The following TRIM2 variants were observed in gnomAD, a reference collection of about 807,000 sequenced individuals.
TRIM2 encodes tripartite motif containing 2.
A neutral mutation model predicts 75.2 loss-of-function variants in TRIM2; 20 were observed. The ratio of observed to expected loss-of-function variants is 0.27; its 90% CI spans 0.19 to 0.39. TRIM2 has a LOEUF of 0.39. Ranked by LOEUF, TRIM2 falls within the 10% of genes least tolerant of loss-of-function variation. The pLI, the probability that TRIM2 is intolerant of heterozygous loss-of-function variation, is 1.00. For missense variants in TRIM2, 660 were observed against 990.8 expected, an observed-to-expected ratio of 0.67 and a Z score of 4.48; for synonymous variants, 373 against 388.3, an observed-to-expected ratio of 0.96 and a Z score of 0.46.
intron 3 of TRIM2, among the ~76,000 whole-genome samples, chr4:153,278,339 C>T (rs549821205): frequency 6.6e-6 from 1 of 151,826 alleles, no homozygotes; most frequent in South Asian, 2.1e-4. Flanking sequence ...GTCTCAAACT[C>T]CTGGTCCCAA....
At position 153,322,274 on chromosome 4, in the gene TRIM2, G is replaced by A. The variant is rs561574415; in HGVS notation, c.1783-374G>A. On this transcript the variant is annotated intron_variant, in intron 8 of 11. Transcript: ENST00000338700. ...AATACAAAAAAAATTAGCCAGGCAT[G>A]GTGGTGCACGCCTGTAGTCCCAGCT... Among the ~76,000 whole-genome samples, 174 of 152,300 alleles carry A rather than the reference G, an allele frequency of 1.1e-3. 1 individual carries two copies. Among genetic ancestry groups the A allele is most frequent in the African/African-American group, 4.0e-3 (165 of 41,554 alleles).
rs1440352101 is a variant in TRIM2, at chr4:153,335,461, A to G, written c.*495A>G. 16 of 985,344 alleles carry G rather than the reference A, an allele frequency of 1.6e-5. No homozygotes were observed. The highest frequency in any genetic ancestry group is 1.9e-5 in the Non-Finnish European group (16 of 829,952). 61.0% of individuals were successfully genotyped at this position (985,344 alleles called of 1,614,324 possible). On this transcript the variant is annotated 3_prime_UTR_variant, in exon 12 of 12. Coordinates refer to ENST00000338700, the MANE Select transcript of TRIM2 (RefSeq NM_015271.5). Reference sequence around the variant, plus strand: ...TTACTCTTGTGACATTTTTTTGGTTATCAACAACTAAATATAAATTACTTT... The same window carrying G: ...TTACTCTTGTGACATTTTTTTGGTTGTCAACAACTAAATATAAATTACTTT...
At chr4:153,166,345 A>G (rs75137350) in intron 1 of TRIM2, among the ~76,000 whole-genome samples, 27,248 of 152,130 alleles carry the variant, frequency 0.18, 2,660 homozygotes, top group African/African-American at 0.26. Flanking sequence ...GTGAGGTTCT[A>G]TAACACTTGA....
At chr4:153,277,984 T>C (rs183560158) in intron 3 of TRIM2, among the ~76,000 whole-genome samples, 16 of 152,374 alleles carry the variant, frequency 1.1e-4, no homozygotes, top group Admixed American at 7.8e-4. Context: ...ATACTAGTTA[T>C]GGGAAGGTAT....
intron 8 of TRIM2, among the ~76,000 whole-genome samples, chr4:153,318,375 A>G (rs72729637): frequency 0.065 from 9,922 of 152,244 alleles, 433 homozygotes; most frequent in Middle Eastern, 0.13. Context: ...CATCTTGTCA[A>G]TTTTGGAGAC....
intron 1 of TRIM2, among the ~76,000 whole-genome samples, chr4:153,246,206 C>T (rs969391528): frequency 2.6e-5 from 4 of 152,250 alleles, no homozygotes; most frequent in South Asian, 2.1e-4. Context: ...ATTGTTTAAT[C>T]CTCATAACAA....
At chr4:153,172,511 C>G (rs1479035851) in intron 1 of TRIM2, among the ~76,000 whole-genome samples, 1 of 152,100 alleles carries the variant, frequency 6.6e-6, no homozygotes, top group Admixed American at 6.5e-5. Flanking sequence ...TTAACTGACT[C>G]TGGAAACACT....
At chr4:153,321,089 G>A (rs1332532287) in intron 8 of TRIM2, among the ~76,000 whole-genome samples, 5 of 152,132 alleles carry the variant, frequency 3.3e-5, no homozygotes, top group Non-Finnish European at 7.3e-5. Context: ...CTTGTCTGCT[G>A]TGGCGTCATC....
chr4:153,209,914 G>T (rs1560818937), intron 1 of TRIM2, among the ~76,000 whole-genome samples: 1 of 152,102 alleles, frequency 6.6e-6, no homozygotes, highest in East Asian at 1.9e-4. Context: ...CTTTGCAGGA[G>T]AATAAAATAG....
At chr4:153,182,897 ATC>A (rs945830563) in intron 1 of TRIM2, among the ~76,000 whole-genome samples, 1 of 151,968 alleles carries the variant, frequency 6.6e-6, no homozygotes, top group African/African-American at 2.4e-5. Flanking sequence ...GGGACCCTCT[ATC>A]CCAATACCCC....
In TRIM2 at chr4:153,327,142, A is replaced by G. The variant is rs144968764; in HGVS notation, c.2023-1388A>G. Among the ~76,000 whole-genome samples the G allele has an allele frequency of 9.0e-3, 1,364 of 152,234 alleles. 12 individuals are homozygous for G. Among genetic ancestry groups the G allele is most frequent in the Non-Finnish European group, 0.016 (1,104 of 68,014 alleles). ...TGTAAAAGGAGACAAAAAGAGTCAG[A>G]AAAAAAATTTAAATATGGCATCTTA... On this transcript the variant is annotated intron_variant, in intron 10 of 11. Transcript: ENST00000338700.
chr4:153,217,005 T>G (rs1434363365), intron 1 of TRIM2, among the ~76,000 whole-genome samples: 1 of 152,232 alleles, frequency 6.6e-6, no homozygotes, highest in Non-Finnish European at 1.5e-5. Context: ...GAACTTTGTT[T>G]AGATGAACTT....
At chr4:153,288,797 A>G (rs1326291438) in intron 3 of TRIM2, among the ~76,000 whole-genome samples, 1 of 148,566 alleles carries the variant, frequency 6.7e-6, no homozygotes, top group Admixed American at 6.7e-5. Context: ...TTCCTGCCTC[A>G]CAGACTGTAT....
intron 2 of TRIM2, among the ~76,000 whole-genome samples, chr4:153,275,283 T>C (rs1209107195): frequency 6.6e-6 from 1 of 152,232 alleles, no homozygotes; most frequent in East Asian, 1.9e-4. Flanking sequence ...ATGAGTTAAG[T>C]TGATACCTGT....
At chr4:153,319,017 G>A (rs1768329585) in intron 8 of TRIM2, among the ~76,000 whole-genome samples, 2 of 152,182 alleles carry the variant, frequency 1.3e-5, no homozygotes, top group South Asian at 4.1e-4. Flanking sequence ...GACCCTCACA[G>A]GAGTTCATCC....
chr4:153,231,562 A>C (rs560629392), intron 1 of TRIM2, among the ~76,000 whole-genome samples: 136 of 152,210 alleles, frequency 8.9e-4, no homozygotes, highest in African/African-American at 3.2e-3. Context: ...AGGTCTAGGC[A>C]AGGAAGTCGT....
rs147188569 is a variant in TRIM2, at chr4:153,308,100, A to G, written c.1511-7385A>G. On this transcript the variant is annotated intron_variant, in intron 6 of 11. Transcript: ENST00000338700. ...ATCAAATACTTTCTGGAAGTGGGAC[A>G]TGCTCCGCTCGGTCATGACGCTGAT... The G allele has an allele frequency of 2.3e-3, 2,029 of 888,798 alleles. 28 individuals carry two copies. In the Admixed American group the frequency reaches 0.025, roughly 11 times the overall value. The allele number at this position is 888,798 out of a possible 1,614,324, so 55.1% of individuals were successfully genotyped here.
intron 6 of TRIM2, among the ~76,000 whole-genome samples, chr4:153,313,838 T>G (rs1466701416): frequency 2.0e-5 from 3 of 151,164 alleles, no homozygotes; most frequent in Non-Finnish European, 2.9e-5. Context: ...GGTTTCACCA[T>G]GTTGGCCAGG....
At chr4:153,334,119 G>A (rs1231242186) in intron 11 of TRIM2, among the ~76,000 whole-genome samples, 1 of 152,028 alleles carries the variant, frequency 6.6e-6, no homozygotes, top group Non-Finnish European at 1.5e-5. Context: ...AGTGGAATAA[G>A]TGAAGATTTA....
Sources: allele counts gnomAD v4.1 joint callset (sites outside exome capture counted in the v4.1 genomes callset), GRCh38; gene constraint gnomAD v4.1.1; transcripts MANE v1.5; gene names NCBI Gene and HGNC (gene_info 2026-07-23, HGNC 2026-07-21).